The following PSD3 variants were observed in gnomAD, a reference collection of about 807,000 sequenced individuals.
PSD3 encodes the protein PH and SEC7 domain-containing protein 3.
In PSD3, 49 loss-of-function variants were observed where a neutral mutation model predicts 105.5. The observed-to-expected ratio is 0.46, with a 90% CI of 0.37 to 0.59. The LOEUF is 0.59. PSD3 is among the 20% of genes least tolerant of loss of function. PSD3 has a pLI of 0.00. For synonymous variants in PSD3, 557 were observed against 457.8 expected, an observed-to-expected ratio of 1.22 and a Z score of -2.77; for missense variants, 1,561 against 1,263.8, an observed-to-expected ratio of 1.24 and a Z score of -3.57.
chr8:19,083,784 C>T (rs370316810), intron 1 of PSD3, among the ~76,000 whole-genome samples: 52 of 152,310 alleles, frequency 3.4e-4, no homozygotes, highest in African/African-American at 1.2e-3. Flanking sequence ...TCCATCCCCT[C>T]ATCTGAAACT....
At chr8:19,074,611 A>ATAT (rs1324257417) in intron 1 of PSD3, among the ~76,000 whole-genome samples, 57 of 24,214 alleles carry the variant, frequency 2.4e-3, no homozygotes, top group East Asian at 0.017. Flanking sequence ...ATATATATAT[A>ATAT]TTTTTTTTTT....
intron 1 of PSD3, among the ~76,000 whole-genome samples, chr8:19,034,650 T>C (rs530661463): frequency 6.6e-6 from 1 of 152,308 alleles, no homozygotes; most frequent in South Asian, 2.1e-4. Context: ...TGCAACAGGC[T>C]TGTGGCTTAG....
intron 1 of PSD3, among the ~76,000 whole-genome samples, chr8:18,941,724 G>A (rs948915828): frequency 7.0e-6 from 1 of 142,852 alleles, no homozygotes; most frequent in Non-Finnish European, 1.5e-5. Flanking sequence ...CCAGGCTGGA[G>A]TGCAATGGTA....
In PSD3 at chr8:18,535,725, C is replaced by T; in HGVS notation, c.*18G>A. 1 of 1,581,652 alleles carries T rather than the reference C, an allele frequency of 6.3e-7. No homozygotes were observed. Among genetic ancestry groups the T allele is most frequent in the Non-Finnish European group, 8.7e-7 (1 of 1,150,654 alleles). On this transcript the variant is annotated 3_prime_UTR_variant, in exon 16 of 16. Coordinates refer to ENST00000327040, the MANE Select transcript of PSD3 (RefSeq NM_015310.4). ...CTATTTTGCTCCATGACCAGCACTT[C>T]CTGGCCGCAGATGGACTCTAAGTAA...
At chr8:19,072,931 C>A (rs896927616) in intron 1 of PSD3, among the ~76,000 whole-genome samples, 1 of 152,166 alleles carries the variant, frequency 6.6e-6, no homozygotes, top group African/African-American at 2.4e-5. Context: ...AATTTCCTGA[C>A]CCTTGGCCCA....
intron 1 of PSD3, among the ~76,000 whole-genome samples, chr8:19,053,236 G>A (rs548027275): frequency 2.0e-5 from 3 of 152,202 alleles, no homozygotes; most frequent in Admixed American, 6.5e-5. Flanking sequence ...CGTCTTAAAG[G>A]CAGGTGGTGG....
intron 14 of PSD3, among the ~76,000 whole-genome samples, chr8:18,565,571 CCAAA>C (rs1264093870): frequency 7.6e-6 from 1 of 130,928 alleles, no homozygotes; most frequent in African/African-American, 2.8e-5. Context: ...TGAAAAAGCA[CCAAA>C]CAATCTTTTA....
At chr8:18,860,119 T>A (rs1304519152) in intron 4 of PSD3, among the ~76,000 whole-genome samples, 1 of 152,114 alleles carries the variant, frequency 6.6e-6, no homozygotes. Flanking sequence ...ACTGGCATAA[T>A]CTCAATATTG....
chr8:18,971,391 T>C (rs1421443149), intron 1 of PSD3, among the ~76,000 whole-genome samples: 1 of 152,190 alleles, frequency 6.6e-6, no homozygotes, highest in African/African-American at 2.4e-5. Context: ...GCCTGGGCTC[T>C]GGACCCTGAA....
intron 2 of PSD3, among the ~76,000 whole-genome samples, chr8:18,908,731 G>C (rs548375984): frequency 6.6e-6 from 1 of 152,204 alleles, no homozygotes; most frequent in South Asian, 2.1e-4. Flanking sequence ...ATGGTTCCTC[G>C]TATGAATGTT....
intron 1 of PSD3, among the ~76,000 whole-genome samples, chr8:18,944,034 T>C (rs961545907): frequency 1.3e-4 from 20 of 152,156 alleles, no homozygotes; most frequent in Non-Finnish European, 2.9e-5. Context: ...ACGTGGCTAT[T>C]ACCACCCCAC....
intron 11 of PSD3, among the ~76,000 whole-genome samples, chr8:18,602,387 T>A (rs997193876): frequency 6.6e-6 from 1 of 152,128 alleles, no homozygotes; most frequent in Non-Finnish European, 1.5e-5. Context: ...GTCAGTTACT[T>A]AGTAACTGAC....
intron 9 of PSD3, among the ~76,000 whole-genome samples, chr8:18,665,326 A>C (rs192517168): frequency 6.6e-6 from 1 of 152,332 alleles, no homozygotes; most frequent in Non-Finnish European, 1.5e-5. Context: ...TCATGGAATG[A>C]CTTTGGGGGG....
At chr8:18,574,253 C>A (rs113938647) in intron 13 of PSD3, among the ~76,000 whole-genome samples, 1 of 152,168 alleles carries the variant, frequency 6.6e-6, no homozygotes, top group Non-Finnish European at 1.5e-5. Context: ...CAGCTCCTCA[C>A]GGCACCCTCT....
At chr8:18,699,336 G>C (rs146625129) in intron 9 of PSD3, among the ~76,000 whole-genome samples, 251 of 152,332 alleles carry the variant, frequency 1.6e-3, no homozygotes, top group African/African-American at 6.0e-3. Flanking sequence ...GGAATATCTA[G>C]CTTTGACAAC....
Position 19,074,607 on chromosome 8 carries a change from ATATATTTTTTTTTT to A in PSD3, c.324+9585_324+9598del, listed in dbSNP as rs1563546598. Reference sequence around the variant, plus strand: ...CAGATATATACATATATATATATATATATATTTTTTTTTTTTTTTTTTTTTTTTTTTGAGATGGA... The same window carrying A: ...CAGATATATACATATATATATATATATTTTTTTTTTTTTTTTTGAGATGGA... On this transcript the variant is annotated intron_variant, in intron 1 of 1. Transcript: ENST00000521475. 2.1e-3 allele frequency among the ~76,000 whole-genome samples: 24 copies of A among 11,666 alleles called. No individual in the cohort carries two copies. In the East Asian group the frequency reaches 0.045, roughly 22 times the overall value. The allele number at this position is 11,666 out of a possible 152,430, so 7.7% of individuals were successfully genotyped here.
At chr8:18,968,666 G>T (rs1824437434) in intron 1 of PSD3, among the ~76,000 whole-genome samples, 1 of 152,198 alleles carries the variant, frequency 6.6e-6, no homozygotes. Flanking sequence ...CACGAGGTCA[G>T]GAGTTTGAGA....
intron 2 of PSD3, among the ~76,000 whole-genome samples, chr8:18,916,887 G>GA (rs113682944): frequency 0.012 from 1,806 of 150,910 alleles, 29 homozygotes; most frequent in African/African-American, 0.04. Context: ...TGAAGGAAAT[G>GA]AAAAAAAAGG....
chr8:18,690,607 C>A (rs187863997), intron 9 of PSD3, among the ~76,000 whole-genome samples: 1 of 152,206 alleles, frequency 6.6e-6, no homozygotes, highest in Non-Finnish European at 1.5e-5. Flanking sequence ...ACAGGCTCCA[C>A]TGCCTGACAT....
Sources: allele counts gnomAD v4.1 joint callset (sites outside exome capture counted in the v4.1 genomes callset), GRCh38; gene constraint gnomAD v4.1.1; transcripts MANE v1.5; gene names NCBI Gene and HGNC (gene_info 2026-07-23, HGNC 2026-07-21).